The following MAF variants were observed in gnomAD, a reference collection of about 807,000 sequenced individuals.
The protein encoded by MAF is transcription factor Maf.
A neutral mutation model predicts 22.0 loss-of-function variants in MAF; 10 were observed. The observed-to-expected ratio is 0.45, with a 90% CI of 0.28 to 0.77. The LOEUF (loss-of-function observed/expected upper bound fraction) is 0.77, where lower values mean the gene tolerates loss of function less well. Among genes scored for constraint, MAF ranks in the 30% least tolerant of loss-of-function variants. The probability of loss-of-function intolerance (pLI) is 0.12; values close to 1 mark genes in which losing one functional copy is unlikely to be tolerated. For missense variants in MAF, 544 were observed against 548.4 expected (o/e 0.99, Z 0.08); for synonymous variants, 337 against 255.8 (o/e 1.32, Z -3.03).
At chr16:79,459,762 C>T in the MAF span, among the ~76,000 whole-genome samples, 5 of 152,060 alleles carry the variant, frequency 3.3e-5, no homozygotes, top group African/African-American at 1.2e-4. Flanking sequence ...CAGGGTTTTG[C>T]CATGTTGCCC....
At chr16:79,343,579 G>A in the MAF span, among the ~76,000 whole-genome samples, 2 of 152,246 alleles carry the variant, frequency 1.3e-5, no homozygotes, top group Middle Eastern at 6.8e-3. Flanking sequence ...TTGTGCCAGT[G>A]ATATCGATAC....
the MAF span, among the ~76,000 whole-genome samples, chr16:79,314,863 A>T: frequency 6.6e-6 from 1 of 152,258 alleles, no homozygotes; most frequent in African/African-American, 2.4e-5. Context: ...CTCCTCAGGG[A>T]AACTCAGAGC....
the MAF span, among the ~76,000 whole-genome samples, chr16:79,296,598 A>T: frequency 6.6e-6 from 1 of 151,768 alleles, no homozygotes; most frequent in Admixed American, 6.6e-5. Flanking sequence ...GTTACAGTAT[A>T]TTTACTCTGT....
At chr16:79,224,167 C>T in the MAF span, among the ~76,000 whole-genome samples, 3 of 152,276 alleles carry the variant, frequency 2.0e-5, no homozygotes, top group South Asian at 4.1e-4. Context: ...GCACCACGAT[C>T]GAGTCAGTTT....
the MAF span, among the ~76,000 whole-genome samples, chr16:79,353,618 G>A: frequency 6.6e-6 from 1 of 152,042 alleles, no homozygotes; most frequent in African/African-American, 2.4e-5. Flanking sequence ...GGATCCTGGT[G>A]TTCCTGGACT....
At chr16:79,531,605 G>C in the MAF span, among the ~76,000 whole-genome samples, 2 of 152,082 alleles carry the variant, frequency 1.3e-5, no homozygotes, top group African/African-American at 4.8e-5. Context: ...TTCTCATAAG[G>C]AGGGCACAAC....
the MAF span, among the ~76,000 whole-genome samples, chr16:79,430,703 G>A: frequency 6.6e-6 from 1 of 152,208 alleles, no homozygotes; most frequent in African/African-American, 2.4e-5. Flanking sequence ...GGCTAGGCCT[G>A]CAGCTGGTGC....
chr16:79,409,448 C>A, the MAF span, among the ~76,000 whole-genome samples: 6 of 152,204 alleles, frequency 3.9e-5, no homozygotes, highest in Middle Eastern at 3.2e-3. Flanking sequence ...TGTTTGTGAA[C>A]CCTGTGTAGC....
the MAF span, among the ~76,000 whole-genome samples, chr16:79,339,219 G>A: frequency 4.7e-5 from 7 of 150,182 alleles, no homozygotes; most frequent in Non-Finnish European, 8.8e-5. Context: ...ACAGGCACCC[G>A]CCACCACGCC....
chr16:79,303,876 T>A, the MAF span, among the ~76,000 whole-genome samples: 2 of 151,910 alleles, frequency 1.3e-5, no homozygotes, highest in Non-Finnish European at 2.9e-5. Context: ...TACCAGAAAG[T>A]CAAATCAACT....
chr16:79,446,165 G>A, the MAF span, among the ~76,000 whole-genome samples: 559 of 152,316 alleles, frequency 3.7e-3, 3 homozygotes, highest in African/African-American at 0.013. Flanking sequence ...TCAATGGAAG[G>A]GGATATGTCT....
the MAF span, among the ~76,000 whole-genome samples, chr16:79,221,018 T>C: frequency 2.6e-5 from 4 of 152,306 alleles, no homozygotes; most frequent in East Asian, 7.7e-4. Context: ...AAAGGCTGAA[T>C]GCGGAAAGCA....
intron 1 of MAF, chr16:79,598,342 A>C: frequency 8.9e-7 from 1 of 1,123,526 alleles, no homozygotes; most frequent in Non-Finnish European, 1.1e-6. Flanking sequence ...AAGGGGAAGA[A>C]GAAGAAAAAA....
chr16:79,473,055 G>C, the MAF span, among the ~76,000 whole-genome samples: 3 of 152,098 alleles, frequency 2.0e-5, no homozygotes, highest in Admixed American at 2.0e-4. Context: ...TTGTGATAAG[G>C]GGAACGAAGA....
At chr16:79,551,192 C>G in the MAF span, among the ~76,000 whole-genome samples, 2 of 152,080 alleles carry the variant, frequency 1.3e-5, no homozygotes, top group African/African-American at 4.8e-5. Context: ...CTTAAAGGTG[C>G]TGGATCTCCC....
the MAF span, among the ~76,000 whole-genome samples, chr16:79,399,259 C>G: frequency 0.035 from 5,332 of 152,208 alleles, 217 homozygotes; most frequent in African/African-American, 0.094. Flanking sequence ...ATGGGCTGTG[C>G]TAAGGAGGAG....
chr16:79,569,329 C>T, the MAF span, among the ~76,000 whole-genome samples: 1 of 152,296 alleles, frequency 6.6e-6, no homozygotes, highest in Non-Finnish European at 1.5e-5. Flanking sequence ...TGCCAAATGT[C>T]CCTGGAGGAG....
chr16:79,508,951 C>A, the MAF span, among the ~76,000 whole-genome samples: 1 of 152,122 alleles, frequency 6.6e-6, no homozygotes, highest in East Asian at 1.9e-4. Flanking sequence ...TGATGTCTGC[C>A]TGGCACTGAA....
At chr16:79,446,049 GAA>G in the MAF span, among the ~76,000 whole-genome samples, 3 of 151,812 alleles carry the variant, frequency 2.0e-5, no homozygotes, top group Non-Finnish European at 2.9e-5. Context: ...TTGAAAGAAA[GAA>G]AAGAGAGACA....
Sources: allele counts gnomAD v4.1 joint callset (sites outside exome capture counted in the v4.1 genomes callset), GRCh38; gene constraint gnomAD v4.1.1; transcripts MANE v1.5; gene names NCBI Gene and HGNC (gene_info 2026-07-23, HGNC 2026-07-21).